PATJ: variants seen among roughly 807,000 people sequenced by gnomAD.
The protein encoded by PATJ is inaD-like protein.
In PATJ, 190 loss-of-function variants were observed where a neutral mutation model predicts 224.9. The observed-to-expected ratio is 0.84, with a 90% CI of 0.75 to 0.95. The LOEUF is 0.95. Among genes scored for constraint, PATJ ranks in the 40% least tolerant of loss-of-function variants. PATJ has a pLI of 0.00. For missense variants in PATJ, 2,121 were observed against 2,270.3 expected, an observed-to-expected ratio of 0.93 and a Z score of 1.34; for synonymous variants, 769 against 820.3, an observed-to-expected ratio of 0.94 and a Z score of 1.07.
chr1:61,901,890 A>G (rs1352125824), intron 24 of PATJ, among the ~76,000 whole-genome samples: 5 of 152,174 alleles, frequency 3.3e-5, no homozygotes, highest in African/African-American at 7.2e-5. Context: ...GGGAGGATCC[A>G]TGATTCGCAC....
chr1:62,092,952 A>T (rs937791326), intron 33 of PATJ, among the ~76,000 whole-genome samples: 1 of 151,834 alleles, frequency 6.6e-6, no homozygotes, highest in African/African-American at 2.4e-5. Context: ...CATGTTACCC[A>T]GGCTAGTCTC....
intron 39 of PATJ, among the ~76,000 whole-genome samples, chr1:62,127,623 T>C (rs374463937): frequency 1.7e-3 from 260 of 152,168 alleles, no homozygotes; most frequent in African/African-American, 6.1e-3. Flanking sequence ...CTGGCCAACA[T>C]GGTGAAGCCC....
intron 7 of PATJ, 70 bp from the exon 8 acceptor site, chr1:61,787,671 AGAGCTGAAAGTCT>A: frequency 9.7e-7 from 1 of 1,036,002 alleles, no homozygotes; most frequent in Non-Finnish European, 1.5e-6. Flanking sequence ...CCATTTTGCC[AGAGCTGAAAGTCT>A]GATGAATTGT....
chr1:61,748,540 G>C (rs1397414608), intron 1 of PATJ, among the ~76,000 whole-genome samples: 1 of 152,064 alleles, frequency 6.6e-6, no homozygotes, highest in African/African-American at 2.4e-5. Context: ...ACAGGCGTGA[G>C]CCACTGCGCC....
intron 26 of PATJ, among the ~76,000 whole-genome samples, chr1:61,922,933 C>T (rs1230925412): frequency 1.3e-5 from 2 of 152,214 alleles, no homozygotes; most frequent in Non-Finnish European, 1.5e-5. Flanking sequence ...ACTACTCCAG[C>T]CACATCTGGG....
At chr1:61,861,348 T>G (rs2148938531) in intron 18 of PATJ, among the ~76,000 whole-genome samples, 1 of 149,656 alleles carries the variant, frequency 6.7e-6, no homozygotes, top group South Asian at 2.1e-4. Flanking sequence ...TTCTTTTACT[T>G]TAAGTTCTGG....
chr1:62,106,045 T>TAAAAA lies in PATJ; in HGVS notation c.4378-2377_4378-2373dup, dbSNP rs1218285369. Among the ~76,000 whole-genome samples, 71 of 30,202 alleles carry TAAAAA rather than the reference T, an allele frequency of 2.4e-3. 1 individual carries two copies. The highest frequency in any genetic ancestry group is 0.016 in the East Asian group (24 of 1,534). 19.8% of individuals were successfully genotyped at this position (30,202 alleles called of 152,430 possible). A position where few individuals can be genotyped will look rare whatever the true frequency, so the allele number is the denominator to read the frequency against. On this transcript the variant is annotated intron_variant, in intron 33 of 43. Coordinates refer to ENST00000642238, the MANE Select transcript of PATJ (RefSeq NM_001350145.3). ...CTGGGCAACATAGTGAGACTCCTCT[T>TAAAAA]AAAAAAAAAAAAAAAAAAATATATA...
intron 24 of PATJ, 102 bp from the exon 25 acceptor site, chr1:61,908,268 ACT>A: frequency 1.4e-6 from 1 of 740,034 alleles, no homozygotes. Context: ...TACTCATTAG[ACT>A]CTGGTTGTTC....
intron 28 of PATJ, 81 bp downstream of exon 28, chr1:61,990,445 G>T: frequency 1.1e-6 from 1 of 883,402 alleles, no homozygotes; most frequent in Admixed American, 3.2e-5. Flanking sequence ...TGAGGTGAAA[G>T]GGAAGAATGA....
chr1:61,830,012 A>C (rs1659021041), intron 16 of PATJ, among the ~76,000 whole-genome samples: 1 of 152,214 alleles, frequency 6.6e-6, no homozygotes, highest in Non-Finnish European at 1.5e-5. Context: ...TATTGTTCCC[A>C]TGTTAGGTTC....
At chr1:61,926,247 C>A (rs1369809699) in intron 26 of PATJ, among the ~76,000 whole-genome samples, 3 of 152,118 alleles carry the variant, frequency 2.0e-5, no homozygotes, top group African/African-American at 7.2e-5. Flanking sequence ...GAGAGCCTGG[C>A]CCTGTACACA....
chr1:61,846,211 A>G (rs1247625023), intron 17 of PATJ: 3 of 152,340 alleles, frequency 2.0e-5, no homozygotes, highest in South Asian at 2.1e-4. Context: ...AGCACATTAC[A>G]TGCTTTTAAT....
chr1:61,998,242 G>T (rs1228606959), intron 28 of PATJ, among the ~76,000 whole-genome samples: 1 of 148,018 alleles, frequency 6.8e-6, no homozygotes, highest in African/African-American at 2.5e-5. Context: ...ATCAGGCCTG[G>T]CTAATTTTTT....
At chr1:61,847,961 C>G (rs76558531) in intron 17 of PATJ, among the ~76,000 whole-genome samples, 15,745 of 151,944 alleles carry the variant, frequency 0.1, 1,016 homozygotes, top group African/African-American at 0.16. Flanking sequence ...TAGTAAATAC[C>G]CTTTTTGAGT....
At position 61,833,769 on chromosome 1, in the gene PATJ, G is replaced by T. The variant is rs774201791; in HGVS notation, c.2096G>T (p.Ser699Ile). 1.9e-6 allele frequency: 3 copies of T among 1,613,272 alleles called. No individual in the cohort carries two copies. In the South Asian group the frequency reaches 3.3e-5, roughly 18 times the overall value. Residue 699 changes from serine (S) to isoleucine (I), a missense_variant, in exon 17 of 44, where the codon AGC becomes ATC. Coordinates refer to ENST00000642238, the MANE Select transcript of PATJ (RefSeq NM_001350145.3). ...LVKDCKGLGF[S>I]ILDYQDPLDP... Reference sequence around the variant, plus strand: ...AAAGATTGTAAAGGTTTGGGATTCAGCATTTTGGATTACCAGGTATAAGAA... The same window carrying T: ...AAAGATTGTAAAGGTTTGGGATTCATCATTTTGGATTACCAGGTATAAGAA...
intron 28 of PATJ, among the ~76,000 whole-genome samples, chr1:61,997,800 G>A (rs1475210395): frequency 8.4e-6 from 1 of 119,396 alleles, no homozygotes; most frequent in Non-Finnish European, 1.7e-5. Context: ...GTTTTGTTTT[G>A]TTTTGTTTTG....
intron 33 of PATJ, among the ~76,000 whole-genome samples, chr1:62,088,654 C>A (rs1558151676): frequency 6.6e-6 from 1 of 152,000 alleles, no homozygotes; most frequent in Non-Finnish European, 1.5e-5. Context: ...AAAGAGATGA[C>A]CTTCATAGGA....
chr1:62,042,656 T>A (rs1350101282), intron 30 of PATJ, among the ~76,000 whole-genome samples: 1 of 152,132 alleles, frequency 6.6e-6, no homozygotes, highest in African/African-American at 2.4e-5. Context: ...AGCTATTTTT[T>A]TAAAAAAAAA....
intron 33 of PATJ, among the ~76,000 whole-genome samples, chr1:62,094,646 A>G (rs1048488399): frequency 2.6e-5 from 4 of 151,586 alleles, no homozygotes; most frequent in Non-Finnish European, 5.9e-5. Flanking sequence ...GTAAGTGAGT[A>G]TTTAATCTTT....
Sources: allele counts gnomAD v4.1 joint callset (sites outside exome capture counted in the v4.1 genomes callset), GRCh38; gene constraint gnomAD v4.1.1; transcripts MANE v1.5; gene names NCBI Gene and HGNC (gene_info 2026-07-23, HGNC 2026-07-21).